The following TBC1D5 variants were observed in gnomAD, a reference collection of about 807,000 sequenced individuals.
The protein encoded by TBC1D5 is TBC1 domain family member 5.
TBC1D5 carries 75 observed loss-of-function variants against 100.3 expected under a neutral mutation model. The ratio of observed to expected loss-of-function variants is 0.75; its 90% CI spans 0.62 to 0.91. The LOEUF (loss-of-function observed/expected upper bound fraction) is 0.91, where lower values mean the gene tolerates loss of function less well. Among genes scored for constraint, TBC1D5 ranks in the 40% least tolerant of loss-of-function variants. The probability of loss-of-function intolerance (pLI) is 0.00; values close to 1 mark genes in which losing one functional copy is unlikely to be tolerated. For missense variants in TBC1D5, 910 were observed against 942.4 expected, an observed-to-expected ratio of 0.97 and a Z score of 0.45; for synonymous variants, 323 against 325.6, an observed-to-expected ratio of 0.99 and a Z score of 0.09.
At chr3:17,671,778 TTGA>T (rs555261092) in intron 1 of TBC1D5, among the ~76,000 whole-genome samples, 42 of 152,328 alleles carry the variant, frequency 2.8e-4, no homozygotes, top group African/African-American at 9.9e-4. Flanking sequence ...AAATCTATTT[TTGA>T]TGTTAAGCTA....
rs918000855 is a variant in TBC1D5, at chr3:17,630,814, T to C, written c.-100-6901A>G. On this transcript the variant is annotated intron_variant, in intron 1 of 21. Transcript: ENST00000253692. ...ACTTTGGGAGGCTGAGATGGGCCGA[T>C]CACGAGGTCAGGAGATCGAGACCAT... is the stretch of plus-strand genomic sequence containing the variant. 2.7e-5 allele frequency among the ~76,000 whole-genome samples: 4 copies of C among 149,944 alleles called. No individual in the cohort carries two copies. In the Admixed American group the frequency reaches 2.7e-4, roughly 10 times the overall value.
At chr3:17,587,728 T>C (rs1018276411) in intron 2 of TBC1D5, among the ~76,000 whole-genome samples, 1 of 152,048 alleles carries the variant, frequency 6.6e-6, no homozygotes. Flanking sequence ...AATTATATTA[T>C]ACATATGGAA....
At chr3:17,199,664 C>T (rs960741508) in intron 18 of TBC1D5, among the ~76,000 whole-genome samples, 1 of 152,116 alleles carries the variant, frequency 6.6e-6, no homozygotes, top group Non-Finnish European at 1.5e-5. Context: ...TATATATGTA[C>T]TGAAGGGACC....
At position 17,210,190 on chromosome 3, in the gene TBC1D5, CT is replaced by C. The variant is rs756903375; in HGVS notation, c.1752+4016del. Among the ~76,000 whole-genome samples the C allele has an allele frequency of 7.3e-3, 1,074 of 146,864 alleles. 2 individuals are homozygous for C. Among genetic ancestry groups the C allele is most frequent in the Non-Finnish European group, 9.9e-3 (656 of 66,372 alleles). The stretch of plus-strand genomic sequence containing the variant: ...GGTTAGAAGTAATTTTTTTTCAGAA[CT>C]TTTTTTTTTTTTTTGAGACGGATTC... On this transcript the variant is annotated intron_variant, in intron 18 of 21. Coordinates refer to ENST00000253692, the Ensembl canonical transcript of TBC1D5.
chr3:17,543,376 T>C (rs1399714514), intron 2 of TBC1D5, among the ~76,000 whole-genome samples: 1 of 152,212 alleles, frequency 6.6e-6, no homozygotes, highest in Non-Finnish European at 1.5e-5. Context: ...CTCACACCTG[T>C]AATCCCAGCA....
chr3:17,602,409 G>A lies in TBC1D5; in HGVS notation c.-36+21440C>T, dbSNP rs148160775. On this transcript the variant is annotated intron_variant, in intron 2 of 21. Coordinates refer to ENST00000253692, the Ensembl canonical transcript of TBC1D5. ...CGAAATACACGATCCCTGGTGCTCA[G>A]TACTAAAAGAAAGCTCTCTCTGAAA... Among the ~76,000 whole-genome samples the A allele has an allele frequency of 2.0e-5, 3 of 152,170 alleles. No individual in the cohort carries two copies. The East Asian group carries it at 5.8e-4, about 29-fold the overall frequency.
intron 2 of TBC1D5, among the ~76,000 whole-genome samples, chr3:17,536,486 A>G (rs1016414267): frequency 1.3e-5 from 2 of 152,232 alleles, no homozygotes; most frequent in African/African-American, 2.4e-5. Flanking sequence ...ATCTATCTCC[A>G]TAACTTCTCA....
chr3:17,489,082 G>A (rs1173927440), intron 3 of TBC1D5, among the ~76,000 whole-genome samples: 3 of 151,680 alleles, frequency 2.0e-5, no homozygotes, highest in Non-Finnish European at 2.9e-5. Context: ...GGGACTACTG[G>A]GTTAAGCAAT....
chr3:17,237,970 TAA>T (rs3839094), intron 17 of TBC1D5, among the ~76,000 whole-genome samples, 191 bp downstream of exon 17: 4 of 150,828 alleles, frequency 2.7e-5, no homozygotes, highest in Admixed American at 1.3e-4. Flanking sequence ...ATATAAATGT[TAA>T]AAAAAAAATT....
chr3:17,403,341 T>G (rs2093692262), intron 7 of TBC1D5, 93 bp from the exon 8 acceptor site: 1 of 843,410 alleles, frequency 1.2e-6, no homozygotes, highest in African/African-American at 1.8e-5. Flanking sequence ...TAAAATTTAT[T>G]CTTCTCTGAG....
intron 2 of TBC1D5, among the ~76,000 whole-genome samples, chr3:17,610,917 G>T (rs146619851): frequency 0.022 from 3,404 of 152,192 alleles, 109 homozygotes; most frequent in African/African-American, 0.077. Context: ...GGCTGAGGCA[G>T]GAGAATGACT....
chr3:17,641,929 G>A (rs912077862), intron 1 of TBC1D5, among the ~76,000 whole-genome samples: 25 of 152,014 alleles, frequency 1.6e-4, no homozygotes, highest in African/African-American at 6.0e-4. Context: ...AGAATAAAAT[G>A]CAATGTTTTA....
intron 3 of TBC1D5, among the ~76,000 whole-genome samples, chr3:17,436,472 T>C (rs1186532798): frequency 6.6e-6 from 1 of 152,142 alleles, no homozygotes; most frequent in Admixed American, 6.5e-5. Flanking sequence ...ACTTAAATAA[T>C]TGAATATTGT....
chr3:17,491,725 C>T (rs2095642544), intron 3 of TBC1D5, among the ~76,000 whole-genome samples: 1 of 152,146 alleles, frequency 6.6e-6, no homozygotes, highest in Non-Finnish European at 1.5e-5. Flanking sequence ...AAGATTTCTG[C>T]ATTGATGTTC....
intron 4 of TBC1D5, among the ~76,000 whole-genome samples, chr3:17,406,908 T>G (rs558879617): frequency 2.6e-5 from 4 of 152,210 alleles, no homozygotes; most frequent in African/African-American, 9.6e-5. Flanking sequence ...TAATGTTGAT[T>G]ATATTAGCTT....
At chr3:17,468,652 C>G (rs1195647329) in intron 3 of TBC1D5, among the ~76,000 whole-genome samples, 1 of 152,092 alleles carries the variant, frequency 6.6e-6, no homozygotes, top group Non-Finnish European at 1.5e-5. Context: ...AGCTGTAGAA[C>G]TTAGAAGGCC....
intron 4 of TBC1D5, among the ~76,000 whole-genome samples, chr3:17,420,602 T>G (rs2094185215): frequency 2.0e-5 from 3 of 152,214 alleles, no homozygotes; most frequent in Admixed American, 2.0e-4. Context: ...CTCAAATTTT[T>G]AAGTCTATTT....
chr3:17,607,740 A>G (rs547274791), intron 2 of TBC1D5, among the ~76,000 whole-genome samples: 2 of 152,232 alleles, frequency 1.3e-5, no homozygotes, highest in South Asian at 4.1e-4. Flanking sequence ...AAAGAAAAAT[A>G]ACTGCTCACT....
At chr3:17,630,039 T>C (rs1463837395) in intron 1 of TBC1D5, among the ~76,000 whole-genome samples, 3 of 152,194 alleles carry the variant, frequency 2.0e-5, no homozygotes, top group African/African-American at 7.2e-5. Flanking sequence ...GATCACCCTA[T>C]TCAGCACAAT....
Sources: allele counts gnomAD v4.1 joint callset (sites outside exome capture counted in the v4.1 genomes callset), GRCh38; gene constraint gnomAD v4.1.1; transcripts MANE v1.5; gene names NCBI Gene and HGNC (gene_info 2026-07-23, HGNC 2026-07-21).